The following EIF4G3 variants were observed in gnomAD, a reference collection of about 807,000 sequenced individuals.
The protein encoded by EIF4G3 is eIF-4-gamma 3.
Under a neutral mutation model 186.4 loss-of-function variants are expected in EIF4G3, and 34 were observed. The observed-to-expected ratio is 0.18, with a 90% CI of 0.14 to 0.24. The LOEUF (loss-of-function observed/expected upper bound fraction) is 0.24, where lower values mean the gene tolerates loss of function less well. Among genes scored for constraint, EIF4G3 ranks in the 10% least tolerant of loss-of-function variants. The probability of loss-of-function intolerance (pLI) is 1.00; values close to 1 mark genes in which losing one functional copy is unlikely to be tolerated. For synonymous variants in EIF4G3, 673 were observed against 679.5 expected, an observed-to-expected ratio of 0.99 and a Z score of 0.15; for missense variants, 1,536 against 1,948.5, an observed-to-expected ratio of 0.79 and a Z score of 3.99.
intron 14 of EIF4G3, among the ~76,000 whole-genome samples, chr1:20,908,143 A>G (rs1190961595): frequency 2.0e-5 from 3 of 152,134 alleles, no homozygotes; most frequent in African/African-American, 7.2e-5. Context: ...TCTGATGGCC[A>G]GTGATGATGA....
chr1:20,901,673 A>C (rs1196866621), intron 15 of EIF4G3, among the ~76,000 whole-genome samples: 1 of 152,202 alleles, frequency 6.6e-6, no homozygotes, highest in East Asian at 1.9e-4. Context: ...AGAATCACTG[A>C]ATTATCTGAG....
At chr1:21,165,091 T>C (rs939151408) in intron 2 of EIF4G3, among the ~76,000 whole-genome samples, 9 of 152,126 alleles carry the variant, frequency 5.9e-5, no homozygotes, top group African/African-American at 2.2e-4. Context: ...TCAACTCCAT[T>C]AGCCATCAGG....
intron 4 of EIF4G3, among the ~76,000 whole-genome samples, chr1:21,039,778 C>G (rs1186478210): frequency 6.6e-6 from 1 of 152,080 alleles, no homozygotes; most frequent in Non-Finnish European, 1.5e-5. Context: ...GAATTGATAT[C>G]CAGAACATAT....
chr1:21,050,507 C>G (rs2094145687), intron 4 of EIF4G3, among the ~76,000 whole-genome samples: 1 of 152,166 alleles, frequency 6.6e-6, no homozygotes, highest in East Asian at 1.9e-4. Flanking sequence ...TAGAAAATAA[C>G]CATTAATGCT....
intron 3 of EIF4G3, among the ~76,000 whole-genome samples, chr1:21,060,699 C>G (rs141267426): frequency 1.3e-5 from 2 of 148,420 alleles, no homozygotes; most frequent in Non-Finnish European, 3.0e-5. Flanking sequence ...CCCAACAGTT[C>G]GGCGCTGTAA....
chr1:20,929,377 C>T (rs1469785471), intron 14 of EIF4G3: 5 of 152,158 alleles, frequency 3.3e-5, no homozygotes, highest in African/African-American at 4.8e-5. Flanking sequence ...ATAATGGGTA[C>T]AAAAACTTTT....
intron 2 of EIF4G3, among the ~76,000 whole-genome samples, chr1:21,125,449 T>C (rs956968113): frequency 1.3e-5 from 2 of 152,234 alleles, no homozygotes; most frequent in African/African-American, 4.8e-5. Context: ...CCAGGAGCAG[T>C]GGCTCACGCC....
At chr1:21,110,753 G>A (rs1175985696) in intron 2 of EIF4G3, among the ~76,000 whole-genome samples, 1 of 151,944 alleles carries the variant, frequency 6.6e-6, no homozygotes, top group Non-Finnish European at 1.5e-5. Flanking sequence ...TTTTAGTAGA[G>A]ACAGGGTTTC....
Position 21,047,097 on chromosome 1 carries a change from A to G in EIF4G3, c.-67+3769T>C, listed in dbSNP as rs146201464. Among the ~76,000 whole-genome samples, 23 of 152,310 alleles carry G rather than the reference A, an allele frequency of 1.5e-4. No homozygotes were observed. The East Asian group carries it at 3.5e-3, about 23-fold the overall frequency. On this transcript the variant is annotated intron_variant, in intron 4 of 36. Coordinates refer to ENST00000602326, the MANE Select transcript of EIF4G3 (RefSeq NM_001391906.1). ...TCCAGAGATATTAAATAATTTATCC[A>G]ATATCATATAACCAGAAAGTAACAA...
intron 14 of EIF4G3, among the ~76,000 whole-genome samples, chr1:20,928,046 C>T (rs957124011): frequency 3.3e-5 from 5 of 151,490 alleles, no homozygotes; most frequent in Non-Finnish European, 5.9e-5. Context: ...TTTGTAGGGA[C>T]GAAAGGTCTC....
At chr1:20,823,163 G>A (rs1024992845) in intron 33 of EIF4G3, among the ~76,000 whole-genome samples, 1 of 152,008 alleles carries the variant, frequency 6.6e-6, no homozygotes, top group African/African-American at 2.4e-5. Flanking sequence ...GCATATATGG[G>A]CTTTCATTAT....
chr1:20,986,507 A>C (rs1441676476), intron 7 of EIF4G3, among the ~76,000 whole-genome samples: 1 of 152,144 alleles, frequency 6.6e-6, no homozygotes, highest in Non-Finnish European at 1.5e-5. Context: ...TACCGACTGC[A>C]TGACAGTGTC....
chr1:21,172,651 C>T (rs1415114983), intron 2 of EIF4G3, among the ~76,000 whole-genome samples: 2 of 152,096 alleles, frequency 1.3e-5, no homozygotes, highest in Non-Finnish European at 1.5e-5. Flanking sequence ...CGGGTTCACG[C>T]CATTCTCCTG....
chr1:21,168,405 ATT>A (rs200744373), intron 2 of EIF4G3, among the ~76,000 whole-genome samples: 2 of 147,514 alleles, frequency 1.4e-5, no homozygotes, highest in Non-Finnish European at 3.0e-5. Context: ...CTCCGTCTCA[ATT>A]TTTTAAAAAA....
At chr1:21,048,716 A>G (rs2094034683) in intron 4 of EIF4G3, among the ~76,000 whole-genome samples, 1 of 152,076 alleles carries the variant, frequency 6.6e-6, no homozygotes, top group Non-Finnish European at 1.5e-5. Flanking sequence ...CAGAATTCTC[A>G]CAAGTTCTGA....
chr1:20,938,831 A>G lies in EIF4G3; in HGVS notation c.1663+2660T>C, dbSNP rs181821822. On this transcript the variant is annotated intron_variant, in intron 14 of 36. Coordinates refer to ENST00000602326, the MANE Select transcript of EIF4G3 (RefSeq NM_001391906.1). ...CTTTATAATTTACAAACTGCTGGCC[A>G]GGTGTGGTGGCTCATGCCTGTAATC... is the stretch of plus-strand genomic sequence containing the variant. 5.4e-3 allele frequency among the ~76,000 whole-genome samples: 815 copies of G among 152,304 alleles called. 3 individuals are homozygous for G. The highest frequency in any genetic ancestry group is 9.2e-3 in the Admixed American group (141 of 15,292).
chr1:21,175,938 A>T, intron 2 of EIF4G3: 1 of 220,002 alleles, frequency 4.5e-6, no homozygotes, highest in Non-Finnish European at 8.8e-6. Context: ...AAGGGGCTGC[A>T]GAAGCATGGC....
chr1:21,059,271 C>T (rs895276066), intron 3 of EIF4G3, among the ~76,000 whole-genome samples: 19 of 152,062 alleles, frequency 1.2e-4, no homozygotes, highest in African/African-American at 4.3e-4. Flanking sequence ...TTTGAAAGAT[C>T]CCAAAGCTTT....
At chr1:20,855,952 G>A (rs1474708828) in intron 25 of EIF4G3, among the ~76,000 whole-genome samples, 1 of 152,288 alleles carries the variant, frequency 6.6e-6, no homozygotes, top group East Asian at 1.9e-4. Context: ...TAGTATCCAA[G>A]CACGGAAAGC....
Sources: gnomAD v4.1 joint callset for allele counts (sites outside exome capture counted in the v4.1 genomes callset) on GRCh38, gnomAD v4.1.1 for gene constraint, MANE v1.5 for transcripts, NCBI Gene and HGNC (gene_info 2026-07-23, HGNC 2026-07-21) for gene names.